Variants in SLC35D2 observed in about 807,000 individuals in gnomAD.
SLC35D2 encodes nucleotide sugar transporter SLC35D2.
A neutral mutation model predicts 41.8 loss-of-function variants in SLC35D2; 43 were observed. The observed-to-expected ratio is 1.03, with a 90% CI of 0.81 to 1.33. The LOEUF is 1.33. Among genes scored for constraint, SLC35D2 ranks in the 40% most tolerant of loss-of-function variants. The pLI is 0.00. For synonymous variants in SLC35D2, 150 were observed against 163.9 expected, an observed-to-expected ratio of 0.92 and a Z score of 0.65; for missense variants, 380 against 408.4, an observed-to-expected ratio of 0.93 and a Z score of 0.60.
intron 3 of SLC35D2, 143 bp downstream of exon 3, chr9:96,364,321 C>G (rs948918363): frequency 1.8e-6 from 1 of 553,062 alleles, no homozygotes; most frequent in Non-Finnish European, 3.2e-6. Context: ...GGCGACAGAG[C>G]GACAGTCCAT....
At chr9:96,364,614 AC>A in intron 2 of SLC35D2, 64 bp from the exon 3 acceptor site, 1 of 910,598 alleles carries the variant, frequency 1.1e-6, no homozygotes, top group East Asian at 2.4e-5. Flanking sequence ...AGGTACAATG[AC>A]ATCATCAAAA....
In SLC35D2 at chr9:96,368,272, C is replaced by T; in HGVS notation, c.192G>A (p.Gln64=). 1 of 1,602,976 alleles carries T rather than the reference C, an allele frequency of 6.2e-7. No homozygotes were observed. The highest frequency in any genetic ancestry group is 8.5e-7 in the Non-Finnish European group (1 of 1,172,948). The change falls in exon 2 of 12, where the codon CAG becomes CAA. Residue 64 remains glutamine, a splice_region_variant and synonymous_variant. Coordinates refer to ENST00000253270, the MANE Select transcript of SLC35D2 (RefSeq NM_007001.3). The stretch of plus-strand genomic sequence containing the variant: ...GTTAATTCTATTTTTTTTCACTCAC[C>T]TGTCCAATTCCAAGGAAAATTGGTG... ...FPSPIFLGIG[Q]MAATIMILYV... is the part of the protein sequence containing the mutation.
intron 1 of SLC35D2, among the ~76,000 whole-genome samples, chr9:96,377,840 C>A (rs990029864): frequency 6.6e-6 from 1 of 152,164 alleles, no homozygotes; most frequent in African/African-American, 2.4e-5. Flanking sequence ...CCACAGGAGA[C>A]AGAAAGGATG....
At chr9:96,335,556 T>G (rs1272720571) in intron 9 of SLC35D2, among the ~76,000 whole-genome samples, 1 of 152,038 alleles carries the variant, frequency 6.6e-6, no homozygotes. Context: ...GATGGGGTTA[T>G]GCCATGTTGG....
chr9:96,376,216 AC>A (rs1481197150), intron 1 of SLC35D2, among the ~76,000 whole-genome samples: 2 of 147,684 alleles, frequency 1.4e-5, no homozygotes, highest in African/African-American at 5.1e-5. Flanking sequence ...AATTGCTTGA[AC>A]CCGGGAGGTG....
downstream of SLC35D2, among the ~76,000 whole-genome samples, chr9:96,317,269 A>T (rs1587819760): frequency 2.0e-5 from 3 of 152,134 alleles, no homozygotes; most frequent in East Asian, 5.8e-4. Flanking sequence ...TGTCCCATCC[A>T]CTAGTGGTTT....
In SLC35D2 at chr9:96,324,352, G is replaced by A. The variant is rs78649010; in HGVS notation, c.753-183C>T. Among the ~76,000 whole-genome samples, 20 of 152,246 alleles carry A rather than the reference G, an allele frequency of 1.3e-4. No individual in the cohort carries two copies. The East Asian group carries it at 3.9e-3, about 29-fold the overall frequency. ...CTATTGGTCTTATGACAGGAAAATGGTCCAGCTGTGAATTAGCTAAACCTT... is the reference window on the plus strand; with the variant it reads ...CTATTGGTCTTATGACAGGAAAATGATCCAGCTGTGAATTAGCTAAACCTT... On this transcript the variant is annotated intron_variant, in intron 9 of 11. Coordinates refer to ENST00000253270, the MANE Select transcript of SLC35D2 (RefSeq NM_007001.3).
chr9:96,369,392 A>G (rs1280437478), intron 1 of SLC35D2, among the ~76,000 whole-genome samples: 1 of 152,232 alleles, frequency 6.6e-6, no homozygotes, highest in African/African-American at 2.4e-5. Context: ...CAGAAATATC[A>G]GCAGATATTT....
At position 96,364,464 on chromosome 9, in the gene SLC35D2, C is replaced by T. The variant is rs1830401227; in HGVS notation, c.279G>A (p.Lys93=). Residue 93 remains lysine (K), a splice_region_variant and synonymous_variant, in exon 3 of 12, where the codon AAG becomes AAA. Transcript: ENST00000253270. Reference sequence around the variant, plus strand: ...GTCATACATACTTTTCATTACTTACCTTTACAGGAATTTTCTTATCAAAAT... The same window carrying T: ...GTCATACATACTTTTCATTACTTACTTTTACAGGAATTTTCTTATCAAAAT... ...FPDFDKKIPV[K]LFPLPLLYVG... is the part of the protein sequence containing the mutation. The T allele has an allele frequency of 6.5e-7, 1 of 1,536,516 alleles. No individual in the cohort carries two copies. The highest frequency in any genetic ancestry group is 9.0e-7 in the Non-Finnish European group (1 of 1,111,128).
At chr9:96,323,064 T>G (rs1380021436) in intron 10 of SLC35D2, among the ~76,000 whole-genome samples, 1 of 148,838 alleles carries the variant, frequency 6.7e-6, no homozygotes. Context: ...CACACTACAC[T>G]GCAATCTGTG....
intron 6 of SLC35D2, 27 bp downstream of exon 6, chr9:96,351,076 T>C (rs955639977): frequency 6.5e-7 from 1 of 1,547,526 alleles, no homozygotes; most frequent in East Asian, 2.2e-5. Context: ...AAAGAAGTTA[T>C]TGAGCAGAAA....
chr9:96,371,230 C>T (rs1397330566), intron 1 of SLC35D2, among the ~76,000 whole-genome samples: 3 of 151,828 alleles, frequency 2.0e-5, no homozygotes, highest in Non-Finnish European at 4.4e-5. Context: ...TTTGGGAGGC[C>T]GAGGCGGGTG....
At chr9:96,357,603 T>C (rs1830080113) in intron 4 of SLC35D2, 2 of 152,196 alleles carry the variant, frequency 1.3e-5, no homozygotes, top group Middle Eastern at 3.2e-3. Context: ...GACCTGGACA[T>C]AGGATCTAAA....
intron 9 of SLC35D2, among the ~76,000 whole-genome samples, chr9:96,327,614 TTTTC>T (rs894818050): frequency 1.3e-5 from 2 of 151,712 alleles, no homozygotes; most frequent in Admixed American, 1.3e-4. Context: ...TCTTTTTTCT[TTTTC>T]TTTTTCTTTT....
chr9:96,368,124 C>A (rs1587714620), intron 2 of SLC35D2, 148 bp downstream of exon 2: 1 of 537,148 alleles, frequency 1.9e-6, no homozygotes, highest in Non-Finnish European at 3.4e-6. Flanking sequence ...GTCAATATGT[C>A]CTGTTGTCTC....
intron 1 of SLC35D2, among the ~76,000 whole-genome samples, chr9:96,369,352 A>G (rs1326582991): frequency 7.2e-5 from 11 of 152,284 alleles, no homozygotes; most frequent in African/African-American, 2.2e-4. Context: ...ATTATCCCCG[A>G]ACTTATTTAT....
chr9:96,344,712 G>T (rs1012841133), intron 7 of SLC35D2, among the ~76,000 whole-genome samples: 1 of 146,734 alleles, frequency 6.8e-6, no homozygotes, highest in Non-Finnish European at 1.5e-5. Context: ...TGTAACAGCT[G>T]GGGGTGGGGG....
intron 9 of SLC35D2, among the ~76,000 whole-genome samples, chr9:96,336,050 C>CA (rs56681611): frequency 0.32 from 35,243 of 109,924 alleles, 4,958 homozygotes; most frequent in East Asian, 0.58. Context: ...ACTCCATCTT[C>CA]AAAAAAAAAA....
At chr9:96,350,347 CT>C (rs57531044) in intron 6 of SLC35D2, among the ~76,000 whole-genome samples, 155 of 90,998 alleles carry the variant, frequency 1.7e-3, no homozygotes, top group African/African-American at 5.3e-3. Flanking sequence ...ATTTTCTTTC[CT>C]TTTTTTTTTT....
Sources: gnomAD v4.1 joint callset for allele counts (sites outside exome capture counted in the v4.1 genomes callset) on GRCh38, gnomAD v4.1.1 for gene constraint, MANE v1.5 for transcripts, NCBI Gene and HGNC (gene_info 2026-07-23, HGNC 2026-07-21) for gene names.